SORL1: variants seen among roughly 807,000 people sequenced by gnomAD.
The protein encoded by SORL1 is sortilin related receptor 1.
Under a neutral mutation model 273.7 loss-of-function variants are expected in SORL1, and 127 were observed. That is an observed-to-expected ratio of 0.46 (90% CI 0.40 to 0.54). The LOEUF is 0.54. Among genes scored for constraint, SORL1 ranks in the 20% least tolerant of loss-of-function variants. SORL1 has a pLI of 0.00. For synonymous variants in SORL1, 1,031 were observed against 1,067.4 expected (o/e 0.97, Z 0.66); for missense variants, 2,494 against 2,846.1 (o/e 0.88, Z 2.81).
intron 11 of SORL1, among the ~76,000 whole-genome samples, chr11:121,530,576 T>C (rs1180891531): frequency 3.3e-5 from 5 of 152,210 alleles, no homozygotes; most frequent in African/African-American, 1.2e-4. Flanking sequence ...GATTTTTTTT[T>C]CATTGGTTTT....
chr11:121,607,170 T>C lies in SORL1; in HGVS notation c.5062-16T>C. ...TTTGGTTCCCTTTACTCACATTTTT[T>C]TTCTTCTCCCTTTAGGTAGAATACA... On this transcript the variant is annotated splice_polypyrimidine_tract_variant and intron_variant, in intron 36 of 47. Coordinates refer to ENST00000260197, the MANE Select transcript of SORL1 (RefSeq NM_003105.6). 2 of 1,511,192 alleles carry C rather than the reference T, an allele frequency of 1.3e-6. No individual in the cohort carries two copies. Among genetic ancestry groups the C allele is most frequent in the Non-Finnish European group, 1.8e-6 (2 of 1,086,330 alleles). The allele number at this position is 1,511,192 out of a possible 1,614,324, so 93.6% of individuals were successfully genotyped here.
At chr11:121,507,386 AG>A (rs1312231687) in intron 6 of SORL1, among the ~76,000 whole-genome samples, 2 of 152,116 alleles carry the variant, frequency 1.3e-5, no homozygotes, top group Non-Finnish European at 2.9e-5. Flanking sequence ...TCATCTCGTC[AG>A]TGACTTTGGT....
At chr11:121,564,552 G>A (rs1042234341) in intron 21 of SORL1, among the ~76,000 whole-genome samples, 3 of 152,114 alleles carry the variant, frequency 2.0e-5, no homozygotes, top group African/African-American at 7.2e-5. Flanking sequence ...CTGTAATAGA[G>A]TAGTTTTTTT....
In SORL1 at chr11:121,535,989, T is replaced by C. The variant is rs549857275; in HGVS notation, c.1685+3437T>C. Among the ~76,000 whole-genome samples, 17 of 152,368 alleles carry C rather than the reference T, an allele frequency of 1.1e-4. No individual in the cohort carries two copies. The East Asian group carries it at 3.1e-3, about 28-fold the overall frequency. On this transcript the variant is annotated intron_variant, in intron 12 of 47. Transcript: ENST00000260197. ...GTGGCTTTTTCGTCAGAGAAGGGGCTGTTGCATTTTTGCACCCTGACCGAA... is the reference window on the plus strand; with the variant it reads ...GTGGCTTTTTCGTCAGAGAAGGGGCCGTTGCATTTTTGCACCCTGACCGAA...
chr11:121,553,361 T>C (rs1862533060), intron 16 of SORL1, among the ~76,000 whole-genome samples: 1 of 152,254 alleles, frequency 6.6e-6, no homozygotes, highest in South Asian at 2.1e-4. Flanking sequence ...ATTTTTGTGG[T>C]GATTATGTTG....
intron 8 of SORL1, among the ~76,000 whole-genome samples, chr11:121,516,549 A>T (rs1265996588): frequency 6.6e-6 from 1 of 152,162 alleles, no homozygotes; most frequent in Non-Finnish European, 1.5e-5. Flanking sequence ...CTGGCCTCTG[A>T]CAGTGCTTTT....
At chr11:121,481,835 C>T (rs481388) in intron 3 of SORL1, among the ~76,000 whole-genome samples, 4 of 142,038 alleles carry the variant, frequency 2.8e-5, no homozygotes, top group African/African-American at 8.0e-5. Flanking sequence ...GCTTCATCTC[C>T]TCCTCCCCAG....
intron 6 of SORL1, among the ~76,000 whole-genome samples, chr11:121,502,372 G>A (rs1393971052): frequency 2.0e-5 from 3 of 152,044 alleles, no homozygotes; most frequent in African/African-American, 4.8e-5. Context: ...TCTTAACCTC[G>A]TGATCCACCC....
intron 12 of SORL1, among the ~76,000 whole-genome samples, chr11:121,537,828 G>T (rs1353969751): frequency 2.6e-5 from 4 of 152,136 alleles, no homozygotes; most frequent in Non-Finnish European, 5.9e-5. Flanking sequence ...TCTATTCGTG[G>T]ACTTTGTTCT....
At chr11:121,618,211 C>T (rs1863666791) in intron 41 of SORL1, among the ~76,000 whole-genome samples, 2 of 152,184 alleles carry the variant, frequency 1.3e-5, no homozygotes, top group African/African-American at 2.4e-5. Context: ...TTTTTCCAGG[C>T]AGCAATTCTC....
At chr11:121,570,337 C>A in intron 23 of SORL1, 67 bp downstream of exon 23, 1 of 1,236,192 alleles carries the variant, frequency 8.1e-7, no homozygotes, top group South Asian at 1.2e-5. Context: ...TCTTCCCAGG[C>A]TGAGGGCCTA....
chr11:121,593,002 G>A (rs913663006), intron 31 of SORL1, among the ~76,000 whole-genome samples: 9 of 152,172 alleles, frequency 5.9e-5, no homozygotes, highest in African/African-American at 2.2e-4. Flanking sequence ...TCTGTAGCTC[G>A]TGGATCTTCT....
At chr11:121,577,044 C>A in intron 24 of SORL1, 1 of 1,231,426 alleles carries the variant, frequency 8.1e-7, no homozygotes, top group Non-Finnish European at 1.2e-6. Flanking sequence ...AAGAGGCAAG[C>A]AGCTCTAAGG....
rs1221523454 is a variant in SORL1 at position 121,513,095 on chromosome 11, T to G, written c.1032T>G (p.His344Gln). The change falls in exon 7 of 48, where the codon CAT becomes CAG. Residue 344 changes from histidine (H) to glutamine (Q), a missense_variant. By Grantham distance (24) the His-to-Gln change is conservative. This residue lies in a region of SORL1 where 710 missense variants were observed against 882.5 expected (regional missense o/e 0.80). Coordinates refer to ENST00000260197, the MANE Select transcript of SORL1 (RefSeq NM_003105.6). ...GAGCAGCCCAGTTTGTCACAAGACA[T>G]CCTATTAATGTGAGTGGGGTCTGCT... ...PMRAAQFVTR[H>Q]PINEYYIADA... 1 of 1,610,220 alleles carries G rather than the reference T, an allele frequency of 6.2e-7. No individual in the cohort carries two copies. The highest frequency in any genetic ancestry group is 1.1e-5 in the South Asian group (1 of 90,986).
At chr11:121,464,224 A>G (rs894517137) in intron 1 of SORL1, among the ~76,000 whole-genome samples, 2 of 152,142 alleles carry the variant, frequency 1.3e-5, no homozygotes, top group Non-Finnish European at 2.9e-5. Flanking sequence ...GGTTTGACCA[A>G]TTTGAAAGAG....
intron 40 of SORL1, 91 bp downstream of exon 40, chr11:121,612,923 G>C (rs1863588247): frequency 2.3e-6 from 2 of 858,124 alleles, no homozygotes; most frequent in Non-Finnish European, 3.8e-6. Flanking sequence ...GGGGTGCCAG[G>C]GAAGGGGAGG....
intron 12 of SORL1, among the ~76,000 whole-genome samples, chr11:121,537,669 A>G (rs1361382653): frequency 6.6e-6 from 1 of 152,228 alleles, no homozygotes; most frequent in Non-Finnish European, 1.5e-5. Context: ...TTTGTTCTAT[A>G]CTTGAACATT....
intron 3 of SORL1, among the ~76,000 whole-genome samples, chr11:121,480,539 C>T (rs1331918341): frequency 6.6e-6 from 1 of 152,006 alleles, no homozygotes; most frequent in Non-Finnish European, 1.5e-5. Context: ...TTTTCAGCTT[C>T]ATCTCCTCCT....
intron 6 of SORL1, 36 bp downstream of exon 6, chr11:121,497,085 A>C (rs1188380653): frequency 1.3e-6 from 2 of 1,576,458 alleles, no homozygotes; most frequent in Non-Finnish European, 1.7e-6. Context: ...ACTACTTTTG[A>C]GTTTCCTTTG....
Sources: allele counts gnomAD v4.1 joint callset (sites outside exome capture counted in the v4.1 genomes callset), GRCh38; gene constraint gnomAD v4.1.1; regional missense constraint gnomAD v4.1.1; transcripts MANE v1.5; gene names NCBI Gene and HGNC (gene_info 2026-07-23, HGNC 2026-07-21).